CLOCK: variants seen among roughly 807,000 people sequenced by gnomAD.
CLOCK encodes clock circadian regulator, also known as circadian locomoter output cycles protein kaput.
CLOCK carries 43 observed loss-of-function variants against 118.4 expected under a neutral mutation model. That is an observed-to-expected ratio of 0.36 (90% CI 0.28 to 0.47). The LOEUF is 0.47. Among genes scored for constraint, CLOCK ranks in the 20% least tolerant of loss-of-function variants. CLOCK has a pLI of 1.00. For synonymous variants in CLOCK, 326 were observed against 339.2 expected (o/e 0.96, Z 0.43); for missense variants, 846 against 999.9 (o/e 0.85, Z 2.08).
chr4:55,541,978 G>A (rs1172778420), intron 1 of CLOCK, among the ~76,000 whole-genome samples: 1 of 150,168 alleles, frequency 6.7e-6, no homozygotes. Context: ...CCAGAAATAG[G>A]CTCATCCTTA....
chr4:55,514,501 C>T (rs182685018), intron 1 of CLOCK, among the ~76,000 whole-genome samples: 1,420 of 62,852 alleles, frequency 0.023, 28 homozygotes, highest in African/African-American at 0.064. Context: ...ACATTTTTAT[C>T]CCCCCCCCAC....
At chr4:55,444,862 A>G in intron 18 of CLOCK, 77 bp from the exon 19 acceptor site, 1 of 1,442,012 alleles carries the variant, frequency 6.9e-7, no homozygotes, top group Non-Finnish European at 9.5e-7. Flanking sequence ...CATGAAAAGT[A>G]AGCAGTATAA....
rs1428195376 is a variant in CLOCK, at chr4:55,428,489, A to G, written c.*6926T>C. The G allele has an allele frequency of 6.6e-6, 1 of 152,238 alleles. No homozygotes were observed. Among genetic ancestry groups the G allele is most frequent in the Admixed American group, 6.5e-5 (1 of 15,282 alleles). The allele number at this position is 152,238 out of a possible 1,614,324, so 9.4% of individuals were successfully genotyped here. On this transcript the variant is annotated 3_prime_UTR_variant, in exon 23 of 23. Transcript: ENST00000513440. ...GTATGCAATTCAGAATTTCGGCAGA[A>G]GACAACAAATGGAAAATGCCTTTCG...
intron 2 of CLOCK, among the ~76,000 whole-genome samples, chr4:55,494,881 GGTCA>G (rs528711168): frequency 6.3e-4 from 96 of 152,244 alleles, no homozygotes; most frequent in African/African-American, 2.1e-3. Context: ...CTTGGGTTCA[GGTCA>G]GTGAGATTTG....
intron 1 of CLOCK, among the ~76,000 whole-genome samples, chr4:55,540,083 C>T (rs1339339724): frequency 6.6e-6 from 1 of 150,750 alleles, no homozygotes; most frequent in Non-Finnish European, 1.5e-5. Flanking sequence ...TCTCTGCTCA[C>T]TGCAACCTCT....
At chr4:55,501,137 G>T (rs1728407142) in intron 2 of CLOCK, among the ~76,000 whole-genome samples, 1 of 151,764 alleles carries the variant, frequency 6.6e-6, no homozygotes, top group Non-Finnish European at 1.5e-5. Context: ...TACAGGCATG[G>T]GCCACCACAT....
intron 2 of CLOCK, among the ~76,000 whole-genome samples, chr4:55,507,326 G>T (rs765426455): frequency 6.6e-6 from 1 of 151,440 alleles, no homozygotes; most frequent in Non-Finnish European, 1.5e-5. Context: ...AAAAAGGTAG[G>T]GGGGAGCCAG....
chr4:55,458,325 G>C (rs62303711), intron 11 of CLOCK, among the ~76,000 whole-genome samples: 37,405 of 151,952 alleles, frequency 0.25, 4,926 homozygotes, highest in South Asian at 0.37. Context: ...CTCTCCCAAA[G>C]TGCTGGGATT....
In CLOCK at chr4:55,459,239, A is replaced by G. The variant is rs530877485; in HGVS notation, c.582T>C (p.Cys194=). 5 of 1,609,754 alleles carry G rather than the reference A, an allele frequency of 3.1e-6. No individual in the cohort carries two copies. The highest frequency in any genetic ancestry group is 3.3e-5 in the Admixed American group (2 of 59,984). The part of the protein sequence containing the change: ...YLKSKNQLEF[C]CHMLRGTIDP... ...CTATTGTTCCTCGCAGCATGTGACA[A>G]CAGAATTCTAACTGATTTTTTGCTG... The change falls in exon 10 of 23, where the codon TGT becomes TGC. Residue 194 remains cysteine, a synonymous_variant. Coordinates refer to ENST00000513440, the MANE Select transcript of CLOCK (RefSeq NM_004898.4).
Position 55,443,680 on chromosome 4 carries a change from A to G in CLOCK, c.1902+7T>C, listed in dbSNP as rs368359332. 59 of 1,612,132 alleles carry G rather than the reference A, an allele frequency of 3.7e-5. 1 individual carries two copies. Among genetic ancestry groups the G allele is most frequent in the South Asian group, 2.9e-4 (26 of 91,028 alleles). On this transcript the variant is annotated splice_region_variant and intron_variant, in intron 20 of 22. Coordinates refer to ENST00000513440, the MANE Select transcript of CLOCK (RefSeq NM_004898.4). Reference sequence around the variant, plus strand: ...ACTCCATAGCCCGCTGTGCTCAGTAACATTACCTGAGTTGATGTACTCTGT... The same window carrying G: ...ACTCCATAGCCCGCTGTGCTCAGTAGCATTACCTGAGTTGATGTACTCTGT...
At chr4:55,448,003 T>A (rs1439954092) in intron 18 of CLOCK, among the ~76,000 whole-genome samples, 1 of 152,194 alleles carries the variant, frequency 6.6e-6, no homozygotes, top group Non-Finnish European at 1.5e-5. Context: ...CCCCCTTTTT[T>A]TTGGCTACTT....
intron 1 of CLOCK, among the ~76,000 whole-genome samples, chr4:55,526,296 A>AT (rs1730181851): frequency 6.6e-6 from 1 of 152,198 alleles, no homozygotes; most frequent in Non-Finnish European, 1.5e-5. Flanking sequence ...AATGACATAA[A>AT]TAGGCAAAAA....
chr4:55,468,217 C>T (rs1725867826), intron 8 of CLOCK, among the ~76,000 whole-genome samples: 1 of 152,126 alleles, frequency 6.6e-6, no homozygotes, highest in Non-Finnish European at 1.5e-5. Context: ...ACCACAGCCT[C>T]TGAAAGCATT....
intron 1 of CLOCK, among the ~76,000 whole-genome samples, chr4:55,531,895 A>T (rs532723515): frequency 5.9e-4 from 79 of 134,302 alleles, no homozygotes; most frequent in African/African-American, 1.7e-3. Flanking sequence ...GTGATTTTTT[A>T]AATGTTAAAA....
At position 55,429,795 on chromosome 4, in the gene CLOCK, A is replaced by G. The variant is rs557422257; in HGVS notation, c.*5620T>C. The G allele has an allele frequency of 1.6e-4, 24 of 152,330 alleles. No individual in the cohort carries two copies. In the South Asian group the frequency reaches 4.1e-3, roughly 26 times the overall value. The allele number at this position is 152,330 out of a possible 1,614,324, so 9.4% of individuals were successfully genotyped here. A position where few individuals can be genotyped will look rare whatever the true frequency, so the allele number is the denominator to read the frequency against. On this transcript the variant is annotated 3_prime_UTR_variant, in exon 23 of 23. Coordinates refer to ENST00000513440, the MANE Select transcript of CLOCK (RefSeq NM_004898.4). ...GAAACTAGAAAAAGGTTGGAACTGT[A>G]TGAATCAGATTTGAAAGGAGTTATT...
intron 8 of CLOCK, among the ~76,000 whole-genome samples, chr4:55,467,668 C>G (rs1301804720): frequency 6.6e-6 from 1 of 152,120 alleles, no homozygotes; most frequent in Non-Finnish European, 1.5e-5. Flanking sequence ...TATCTTAATC[C>G]TATAATGGGA....
intron 1 of CLOCK, among the ~76,000 whole-genome samples, chr4:55,539,346 G>A (rs931281265): frequency 2.0e-5 from 3 of 152,012 alleles, no homozygotes; most frequent in Non-Finnish European, 4.4e-5. Context: ...GGCCAAGGTG[G>A]GGGGATCTCT....
chr4:55,447,982 T>C (rs1327985988), intron 18 of CLOCK, among the ~76,000 whole-genome samples: 1 of 151,874 alleles, frequency 6.6e-6, no homozygotes, highest in Non-Finnish European at 1.5e-5. Context: ...AGCATCACTC[T>C]TGGAATTACT....
chr4:55,544,362 T>C (rs1297919428), intron 1 of CLOCK, among the ~76,000 whole-genome samples: 1 of 152,026 alleles, frequency 6.6e-6, no homozygotes, highest in Non-Finnish European at 1.5e-5. Context: ...TGGGGTTAAG[T>C]AAAATTTTAC....
Sources: allele counts gnomAD v4.1 joint callset (sites outside exome capture counted in the v4.1 genomes callset), GRCh38; gene constraint gnomAD v4.1.1; transcripts MANE v1.5; gene names NCBI Gene and HGNC (gene_info 2026-07-23, HGNC 2026-07-21).